The following PPP1R9A variants were observed in gnomAD, a reference collection of about 807,000 sequenced individuals.
The protein encoded by PPP1R9A is neurabin-1.
Under a neutral mutation model 141.9 loss-of-function variants are expected in PPP1R9A, and 59 were observed. The ratio of observed to expected loss-of-function variants is 0.42; its 90% CI spans 0.34 to 0.52. PPP1R9A has a LOEUF of 0.52. Ranked by LOEUF, PPP1R9A falls within the 20% of genes least tolerant of loss-of-function variation. PPP1R9A has a pLI of 0.10. For missense variants in PPP1R9A, 1,444 were observed against 1,611.9 expected (o/e 0.90, Z 1.78); for synonymous variants, 500 against 569.7 (o/e 0.88, Z 1.74).
At chr7:95,215,193 T>C (rs1371788759) in intron 7 of PPP1R9A, among the ~76,000 whole-genome samples, 1 of 146,912 alleles carries the variant, frequency 6.8e-6, no homozygotes, top group Non-Finnish European at 1.5e-5. Context: ...ATTGTTCAAT[T>C]CCCACCTATG....
chr7:95,283,298 T>G (rs1244404835), intron 16 of PPP1R9A, among the ~76,000 whole-genome samples: 1 of 152,238 alleles, frequency 6.6e-6, no homozygotes, highest in African/African-American at 2.4e-5. Flanking sequence ...ATTGACAATT[T>G]GTAAGCACTT....
chr7:95,002,047 G>A (rs142572291), intron 2 of PPP1R9A, among the ~76,000 whole-genome samples: 12 of 152,248 alleles, frequency 7.9e-5, no homozygotes, highest in East Asian at 3.9e-4. Flanking sequence ...AAAAAGTGGC[G>A]TCATCTATGG....
At chr7:95,079,278 G>A (rs1815388322) in intron 2 of PPP1R9A, among the ~76,000 whole-genome samples, 1 of 152,160 alleles carries the variant, frequency 6.6e-6, no homozygotes, top group South Asian at 2.1e-4. Context: ...GTTTGTCAAA[G>A]ATCAGATAGT....
chr7:95,044,743 A>AT (rs1280310184), intron 2 of PPP1R9A, among the ~76,000 whole-genome samples: 6 of 145,042 alleles, frequency 4.1e-5, no homozygotes, highest in African/African-American at 7.8e-5. Flanking sequence ...ATATATATAT[A>AT]TTTTTTTGTA....
chr7:95,015,643 G>A (rs1179867961), intron 2 of PPP1R9A, among the ~76,000 whole-genome samples: 1 of 152,130 alleles, frequency 6.6e-6, no homozygotes, highest in Non-Finnish European at 1.5e-5. Flanking sequence ...AGAGAAGAGA[G>A]ACTGACAAGG....
intron 2 of PPP1R9A, among the ~76,000 whole-genome samples, chr7:95,080,226 G>A (rs1815580247): frequency 6.6e-6 from 1 of 152,168 alleles, no homozygotes; most frequent in Non-Finnish European, 1.5e-5. Flanking sequence ...AAGCTGATAA[G>A]CAACTTCAGC....
At chr7:95,136,580 T>G (rs1825705276) in intron 4 of PPP1R9A, among the ~76,000 whole-genome samples, 1 of 152,200 alleles carries the variant, frequency 6.6e-6, no homozygotes, top group Admixed American at 6.5e-5. Flanking sequence ...GATGATTGGC[T>G]AGGAGAATAT....
At chr7:95,227,590 GTGGC>G (rs1420928535) in intron 8 of PPP1R9A, among the ~76,000 whole-genome samples, 2 of 152,168 alleles carry the variant, frequency 1.3e-5, no homozygotes, top group Admixed American at 1.3e-4. Flanking sequence ...TTTATTGTTT[GTGGC>G]TGATAACATA....
chr7:95,253,282 C>CT (rs1799139842), intron 12 of PPP1R9A, among the ~76,000 whole-genome samples: 1 of 152,104 alleles, frequency 6.6e-6, no homozygotes, highest in African/African-American at 2.4e-5. Context: ...TTATAATGGG[C>CT]TTTTTAGTTT....
chr7:95,011,403 C>G (rs1364483485), intron 2 of PPP1R9A, among the ~76,000 whole-genome samples: 1 of 152,024 alleles, frequency 6.6e-6, no homozygotes, highest in Admixed American at 6.5e-5. Flanking sequence ...ATGCTATTTA[C>G]TTTTGTGATT....
chr7:95,268,920 C>T (rs1801717861), intron 13 of PPP1R9A, among the ~76,000 whole-genome samples: 2 of 152,100 alleles, frequency 1.3e-5, no homozygotes, highest in South Asian at 4.1e-4. Context: ...AGAGCATTAT[C>T]TGTATTGTCA....
chr7:95,264,210 A>G (rs1800897028), intron 12 of PPP1R9A, among the ~76,000 whole-genome samples: 1 of 152,204 alleles, frequency 6.6e-6, no homozygotes, highest in Non-Finnish European at 1.5e-5. Context: ...ATATGCAGAT[A>G]CTGTTCAAGT....
intron 2 of PPP1R9A, among the ~76,000 whole-genome samples, chr7:95,051,911 C>T (rs1383860431): frequency 6.7e-6 from 1 of 150,130 alleles, no homozygotes; most frequent in Non-Finnish European, 1.5e-5. Context: ...GTGATCTCAG[C>T]TCACTGCAAC....
At position 95,247,489 on chromosome 7, in the gene PPP1R9A, C is replaced by G; in HGVS notation, c.2129C>G (p.Ala710Gly). The G allele has an allele frequency of 6.2e-7, 1 of 1,607,354 alleles. No homozygotes were observed. The highest frequency in any genetic ancestry group is 8.5e-7 in the Non-Finnish European group (1 of 1,175,798). The stretch of plus-strand genomic sequence containing the variant: ...AATTTTCAGTTGCAAATCAAACATG[C>G]AGTTACAGAAGCAGAGATTCAAAAA... ...HKFKELQIKH[A>G]VTEAEIQKLK... The change falls in exon 9 of 20, where the codon GCA (alanine) becomes GGA (glycine). Residue 710 changes from alanine to glycine, a missense_variant. Ala to Gly is a moderately conservative substitution (Grantham distance 60, BLOSUM62 0). Around this residue, in one of 5 missense-constraint regions of PPP1R9A, gnomAD observed 488 missense variants for 542.0 expected, o/e 0.90. Transcript: ENST00000433360.
chr7:95,225,920 G>A lies in PPP1R9A; in HGVS notation c.1957-41G>A, dbSNP rs745594018. On this transcript the variant is annotated intron_variant, in intron 7 of 19. Coordinates refer to ENST00000433360, the MANE Select transcript of PPP1R9A (RefSeq NM_001166160.2). ...TTTTCAAATAACTCACCTCCACCTG[G>A]GGTAAGGACAGCTGGATTTCTGAAA... The A allele has an allele frequency of 3.9e-6, 6 of 1,546,422 alleles. No homozygotes were observed. In the East Asian group the frequency reaches 1.1e-4, roughly 29 times the overall value.
intron 14 of PPP1R9A, 27 bp downstream of exon 14, chr7:95,269,534 C>T: frequency 6.6e-7 from 1 of 1,511,244 alleles, no homozygotes; most frequent in Non-Finnish European, 9.0e-7. Context: ...TTTCTGACTT[C>T]ATAACACCTC....
chr7:95,254,369 T>A (rs1348177002), intron 12 of PPP1R9A, among the ~76,000 whole-genome samples: 3 of 152,178 alleles, frequency 2.0e-5, no homozygotes, highest in Non-Finnish European at 4.4e-5. Context: ...TCTAAATTGA[T>A]CCCTTGCTTC....
At chr7:95,035,134 A>G (rs1351136402) in intron 2 of PPP1R9A, among the ~76,000 whole-genome samples, 1 of 152,158 alleles carries the variant, frequency 6.6e-6, no homozygotes, top group Non-Finnish European at 1.5e-5. Flanking sequence ...ACTAATTAAT[A>G]TTCAGTTTAT....
intron 2 of PPP1R9A, among the ~76,000 whole-genome samples, chr7:94,936,651 GGT>G (rs35730484): frequency 0.065 from 5,346 of 81,832 alleles, 225 homozygotes; most frequent in East Asian, 0.22. Context: ...ACTGTGTAGG[GGT>G]GTGTGTGTGT....
Sources: allele counts gnomAD v4.1 joint callset (sites outside exome capture counted in the v4.1 genomes callset), GRCh38; gene constraint gnomAD v4.1.1; regional missense constraint gnomAD v4.1.1; transcripts MANE v1.5; gene names NCBI Gene and HGNC (gene_info 2026-07-23, HGNC 2026-07-21).